The following RFX4 variants were observed in gnomAD, a reference collection of about 807,000 sequenced individuals.
RFX4 encodes transcription factor RFX4.
A neutral mutation model predicts 95.0 loss-of-function variants in RFX4; 10 were observed. That is an observed-to-expected ratio of 0.11 (90% CI 0.06 to 0.18). The LOEUF (loss-of-function observed/expected upper bound fraction) is 0.18. Among genes scored for constraint, RFX4 ranks in the 10% least tolerant of loss-of-function variants. RFX4 has a pLI of 1.00. For synonymous variants in RFX4, 321 were observed against 340.7 expected, an observed-to-expected ratio of 0.94 and a Z score of 0.64; for missense variants, 640 against 922.0, an observed-to-expected ratio of 0.69 and a Z score of 3.96.
chr12:106,641,915 G>C (rs910079311), intron 3 of RFX4, among the ~76,000 whole-genome samples: 5 of 151,118 alleles, frequency 3.3e-5, no homozygotes, highest in African/African-American at 1.2e-4. Flanking sequence ...CTGATGACAG[G>C]GGAAAAAGGG....
chr12:106,692,737 A>T (rs2041808102), intron 7 of RFX4, among the ~76,000 whole-genome samples: 1 of 152,074 alleles, frequency 6.6e-6, no homozygotes, highest in Admixed American at 6.5e-5. Flanking sequence ...AGGTGTAAGA[A>T]CTTATCAGAA....
chr12:106,669,296 A>G (rs1276980215), intron 4 of RFX4, among the ~76,000 whole-genome samples: 1 of 152,152 alleles, frequency 6.6e-6, no homozygotes, highest in East Asian at 1.9e-4. Context: ...AGGTAGAGAG[A>G]CTGGAGAAAG....
chr12:106,636,403 AAAAAG>A (rs1286257374), intron 2 of RFX4, among the ~76,000 whole-genome samples: 97 of 151,750 alleles, frequency 6.4e-4, no homozygotes, highest in Non-Finnish European at 1.2e-3. Context: ...AAAAAAAAAA[AAAAAG>A]AAAAGAAAAG....
intron 3 of RFX4, among the ~76,000 whole-genome samples, chr12:106,643,803 T>C (rs2040685529): frequency 6.6e-6 from 1 of 152,214 alleles, no homozygotes; most frequent in South Asian, 2.1e-4. Context: ...GAAATACATT[T>C]CCTTGTTAAA....
At chr12:106,749,785 TC>T (rs1487318956) in intron 16 of RFX4, among the ~76,000 whole-genome samples, 3 of 152,246 alleles carry the variant, frequency 2.0e-5, no homozygotes, top group African/African-American at 7.2e-5. Context: ...GTCATGAAAG[TC>T]ACACAGCTAG....
intron 6 of RFX4, among the ~76,000 whole-genome samples, chr12:106,687,307 A>T (rs1000474994): frequency 2.6e-5 from 4 of 152,080 alleles, no homozygotes; most frequent in Non-Finnish European, 5.9e-5. Flanking sequence ...TAATTTCAGC[A>T]CTTGGGAGGC....
intron 3 of RFX4, among the ~76,000 whole-genome samples, chr12:106,643,141 G>C (rs2040667359): frequency 6.6e-6 from 1 of 152,196 alleles, no homozygotes; most frequent in South Asian, 2.1e-4. Context: ...CCCCAGGGTG[G>C]GGGTGTAACT....
chr12:106,704,470 AC>A (rs980709935), intron 8 of RFX4, among the ~76,000 whole-genome samples: 3 of 152,072 alleles, frequency 2.0e-5, no homozygotes, highest in Admixed American at 1.3e-4. Context: ...CATCCCTCAA[AC>A]TTTTTTGAGT....
chr12:106,676,976 G>A (rs747973730), intron 4 of RFX4, among the ~76,000 whole-genome samples: 2 of 152,176 alleles, frequency 1.3e-5, no homozygotes, highest in Non-Finnish European at 2.9e-5. Flanking sequence ...TCAAATCGCA[G>A]GTCTGCATCT....
At chr12:106,697,173 C>T (rs2041897184) in intron 8 of RFX4, among the ~76,000 whole-genome samples, 1 of 152,092 alleles carries the variant, frequency 6.6e-6, no homozygotes, top group Non-Finnish European at 1.5e-5. Flanking sequence ...GTGCTCCGAG[C>T]CTTAGGTTGC....
At chr12:106,652,635 C>T (rs1442911718) in intron 3 of RFX4, among the ~76,000 whole-genome samples, 1 of 152,154 alleles carries the variant, frequency 6.6e-6, no homozygotes, top group South Asian at 2.1e-4. Context: ...ATGAGATGAT[C>T]GGGGACTATT....
chr12:106,583,466 G>C, intron 1 of RFX4, 103 bp downstream of exon 1: 1 of 1,119,946 alleles, frequency 8.9e-7, no homozygotes, highest in Admixed American at 3.0e-5. Flanking sequence ...GGGTCAACTT[G>C]ACAGTGGAAC....
intron 14 of RFX4, 98 bp from the exon 15 acceptor site, chr12:106,732,826 C>T: frequency 2.5e-6 from 3 of 1,207,882 alleles, no homozygotes; most frequent in Non-Finnish European, 1.2e-6. Context: ...AAGAGAGTGA[C>T]ATCACACAGA....
In RFX4 at chr12:106,694,572, T is replaced by C. The variant is rs1415335409; in HGVS notation, c.670-1711T>C. Among the ~76,000 whole-genome samples, 5 of 152,124 alleles carry C rather than the reference T, an allele frequency of 3.3e-5. No individual in the cohort carries two copies. The South Asian group carries it at 1.0e-3, about 32-fold the overall frequency. ...AGAACAAATGCCACAAGAGAGACTG[T>C]GGAAGGACTAAGGCAGACATAGGCT... On this transcript the variant is annotated intron_variant, in intron 7 of 17. Coordinates refer to ENST00000392842, the MANE Select transcript of RFX4 (RefSeq NM_213594.3).
chr12:106,715,688 T>C (rs1301047365), intron 11 of RFX4, 144 bp downstream of exon 11: 4 of 934,558 alleles, frequency 4.3e-6, no homozygotes, highest in Non-Finnish European at 4.8e-6. Flanking sequence ...TCCTTTTAAA[T>C]GAGTCAGTCC....
intron 2 of RFX4, among the ~76,000 whole-genome samples, chr12:106,636,956 T>C (rs754726962): frequency 1.3e-5 from 2 of 152,190 alleles, no homozygotes; most frequent in Admixed American, 6.5e-5. Flanking sequence ...TGTCATCTCA[T>C]AGCCACATTC....
At chr12:106,741,303 T>C (rs2042800654) in intron 15 of RFX4, among the ~76,000 whole-genome samples, 1 of 152,092 alleles carries the variant, frequency 6.6e-6, no homozygotes, top group African/African-American at 2.4e-5. Flanking sequence ...AAAAAGATGA[T>C]AGCCAATGAC....
At chr12:106,703,976 G>A (rs562659372) in intron 8 of RFX4, among the ~76,000 whole-genome samples, 12 of 138,452 alleles carry the variant, frequency 8.7e-5, no homozygotes, top group African/African-American at 3.0e-4. Flanking sequence ...TGAGGCACAA[G>A]AATCACTTGA....
chr12:106,613,262 A>G (rs1347925239), intron 2 of RFX4, among the ~76,000 whole-genome samples: 1 of 149,458 alleles, frequency 6.7e-6, no homozygotes, highest in Non-Finnish European at 1.5e-5. Flanking sequence ...ATGCCAGACC[A>G]TCCTTGCATT....
Sources: gnomAD v4.1 joint callset for allele counts (sites outside exome capture counted in the v4.1 genomes callset) on GRCh38, gnomAD v4.1.1 for gene constraint, MANE v1.5 for transcripts, NCBI Gene and HGNC (gene_info 2026-07-23, HGNC 2026-07-21) for gene names.